DHRS4: variants seen among roughly 807,000 people sequenced by gnomAD.
DHRS4 encodes dehydrogenase/reductase SDR family member 4.
Under a neutral mutation model 28.4 loss-of-function variants are expected in DHRS4, and 20 were observed. The ratio of observed to expected loss-of-function variants is 0.71; its 90% confidence interval spans 0.50 to 1.02. The LOEUF (loss-of-function observed/expected upper bound fraction) is 1.02. Ranked by LOEUF, DHRS4 falls within the 50% of genes least tolerant of loss-of-function variation. The pLI, the probability that DHRS4 is intolerant of heterozygous loss-of-function variation, is 0.00. For missense variants in DHRS4, 378 were observed against 367.2 expected (o/e 1.03, Z -0.24); for synonymous variants, 144 against 146.4 (o/e 0.98, Z 0.12).
At chr14:23,964,391 A>G (rs2138467456) in intron 3 of DHRS4, among the ~76,000 whole-genome samples, 1 of 148,468 alleles carries the variant, frequency 6.7e-6, no homozygotes, top group African/African-American at 2.5e-5. Context: ...TAAAAAACAC[A>G]CACACACATT....
chr14:23,968,638 T>A, intron 7 of DHRS4, 119 bp from the exon 8 acceptor site: 1 of 1,527,686 alleles, frequency 6.5e-7, no homozygotes, highest in Non-Finnish European at 8.9e-7. Flanking sequence ...GCTTGTACAC[T>A]GACCCTGAAA....
At chr14:23,954,838 G>C (rs1190695808) in intron 1 of DHRS4, among the ~76,000 whole-genome samples, 197 bp from the exon 2 acceptor site, 3 of 152,208 alleles carry the variant, frequency 2.0e-5, no homozygotes, top group Non-Finnish European at 4.4e-5. Context: ...CTGTGGTCCA[G>C]GTCATAATAA....
chr14:23,954,939 A>T, intron 1 of DHRS4, 96 bp from the exon 2 acceptor site: 1 of 1,564,990 alleles, frequency 6.4e-7, no homozygotes, highest in Non-Finnish European at 8.6e-7. Context: ...AGAAAGAGCC[A>T]GAATTCAAAC....
intron 7 of DHRS4, among the ~76,000 whole-genome samples, chr14:23,968,515 G>T (rs1300734668): frequency 6.6e-6 from 1 of 150,664 alleles, no homozygotes; most frequent in Non-Finnish European, 1.5e-5. Flanking sequence ...TCTAAAAACC[G>T]GTGTGTTTCT....
chr14:23,967,234 G>A lies in DHRS4; in HGVS notation c.690G>A (p.Glu230=), dbSNP rs760977490. 1.9e-6 allele frequency: 3 copies of A among 1,613,118 alleles called. No homozygotes were observed. Among genetic ancestry groups the A allele is most frequent in the Non-Finnish European group, 2.5e-6 (3 of 1,179,638 alleles). ...AGCTCTGGATGGACAAGGAAAAAGAGGAAAGCATGAAAGAAACCCTGCGGA... is the reference window on the plus strand; with the variant it reads ...AGCTCTGGATGGACAAGGAAAAAGAAGAAAGCATGAAAGAAACCCTGCGGA... ...SRMLWMDKEK[E]ESMKETLRIR... Residue 230 remains glutamate, a synonymous_variant, in exon 7 of 8, where the codon GAG becomes GAA. Transcript: ENST00000313250.
In DHRS4 at chr14:23,953,853, C is replaced by A; in HGVS notation, c.65C>A (p.Ser22Tyr). The A allele has an allele frequency of 6.2e-7, 1 of 1,613,476 alleles. No homozygotes were observed. The highest frequency in any genetic ancestry group is 8.5e-7 in the Non-Finnish European group (1 of 1,179,702). Residue 22 changes from serine (S) to tyrosine (Y), a missense_variant, in exon 1 of 8, where the codon TCC becomes TAC. Physicochemically the swap from Ser to Tyr is moderately radical, Grantham distance 144 (BLOSUM62 -2). Transcript: ENST00000313250. The part of the protein sequence containing the change: ...RAWNSVRMAS[S>Y]GMTRRDPLAN... ...TGGAATTCGGTGCGGATGGCCAGCT[C>A]CGGGATGACCCGCCGGGACCCGCTC...
At chr14:23,955,420 C>A (rs1264489360) in intron 2 of DHRS4, among the ~76,000 whole-genome samples, 1 of 152,094 alleles carries the variant, frequency 6.6e-6, no homozygotes, top group Non-Finnish European at 1.5e-5. Context: ...TTGAGTACCC[C>A]AAAGAAACAG....
At chr14:23,961,334 G>A (rs1369279633) in intron 3 of DHRS4, among the ~76,000 whole-genome samples, 4 of 141,324 alleles carry the variant, frequency 2.8e-5, no homozygotes, top group Non-Finnish European at 6.0e-5. Flanking sequence ...GCAACACAGC[G>A]AGACCTTTTC....
intron 1 of DHRS4, 56 bp downstream of exon 1, chr14:23,953,972 C>T: frequency 1.9e-6 from 3 of 1,546,066 alleles, no homozygotes; most frequent in South Asian, 2.4e-5. Flanking sequence ...CAGGCACTGG[C>T]CTCTCATCCT....
chr14:23,954,143 A>G (rs372713283), intron 1 of DHRS4: 4 of 641,106 alleles, frequency 6.2e-6, no homozygotes, highest in South Asian at 5.9e-5. Flanking sequence ...CAACTGTGCC[A>G]CCTCTGTGCA....
Position 23,968,857 on chromosome 14 carries a change from C to G in DHRS4, c.823C>G (p.Pro275Ala). 11 of 1,607,966 alleles carry G rather than the reference C, an allele frequency of 6.8e-6. No homozygotes were observed. Among genetic ancestry groups the G allele is most frequent in the Non-Finnish European group, 9.3e-6 (11 of 1,177,340 alleles). ...GETVVVGGGTPSRL is the reference protein window; with the variant it reads ...GETVVVGGGTASRL ...AACAGTGGTGGTGGGTGGAGGAACC[C>G]CGTCCCGCCTCTGAGGACCGGGAGA... The change falls in exon 8 of 8, where the codon CCG becomes GCG. Residue 275 changes from proline (P) to alanine (A), a missense_variant. By Grantham distance (27) the Pro-to-Ala change is conservative. Coordinates refer to ENST00000313250, the MANE Select transcript of DHRS4 (RefSeq NM_021004.4).
Position 23,960,032 on chromosome 14 carries a change from G to GT in DHRS4, c.408+29_408+30insT, listed in dbSNP as rs1566472610. ...AGAGGGGATTAAAGCAGGGGGGCCG[G>GT]GGGGGGCGCCTTGGAACACATTCAG... On this transcript the variant is annotated intron_variant, in intron 3 of 7. Transcript: ENST00000313250. 3.1e-6 allele frequency: 5 copies of GT among 1,589,478 alleles called. 1 individual carries two copies. The African/African-American group carries it at 6.0e-5, about 19-fold the overall frequency.
intron 3 of DHRS4, among the ~76,000 whole-genome samples, chr14:23,961,019 G>C (rs1409355410): frequency 6.6e-6 from 1 of 151,828 alleles, no homozygotes; most frequent in Non-Finnish European, 1.5e-5. Context: ...AATAGAGTGA[G>C]AACTCACTCA....
rs1398100725 is a variant in DHRS4 at position 23,965,675 on chromosome 14, C to G, written c.409-87C>G. On this transcript the variant is annotated intron_variant, in intron 3 of 7. Coordinates refer to ENST00000313250, the MANE Select transcript of DHRS4 (RefSeq NM_021004.4). ...ATCTTCGTCAGCTCTGACAAACATC[C>G]TAGGAACCCACTCTAACTCCTCATT... 4 of 1,100,180 alleles carry G rather than the reference C, an allele frequency of 3.6e-6. No individual in the cohort carries two copies. The Admixed American group carries it at 7.2e-5, about 20-fold the overall frequency. 68.2% of individuals were successfully genotyped at this position (1,100,180 alleles called of 1,614,324 possible).
intron 3 of DHRS4, among the ~76,000 whole-genome samples, chr14:23,960,638 CT>C (rs1413566435): frequency 7.7e-6 from 1 of 129,732 alleles, no homozygotes; most frequent in African/African-American, 4.2e-5. Flanking sequence ...TTCACACACA[CT>C]CTTTAATTAC....
At chr14:23,967,010 C>T (rs1205691802) in intron 6 of DHRS4, among the ~76,000 whole-genome samples, 1 of 152,010 alleles carries the variant, frequency 6.6e-6, no homozygotes, top group Admixed American at 6.6e-5. Flanking sequence ...AAAAAATTAG[C>T]CGGGCGCAGT....
intron 2 of DHRS4, among the ~76,000 whole-genome samples, chr14:23,956,440 T>C (rs2033157760): frequency 6.6e-6 from 1 of 152,006 alleles, no homozygotes; most frequent in African/African-American, 2.4e-5. Flanking sequence ...GATGGAATAG[T>C]GATGAGGTTC....
In DHRS4 at chr14:23,964,220, TAAAAAAAAAAAAAAAA is replaced by T. The variant is rs71119059; in HGVS notation, c.409-1523_409-1508del. ...AGGGTTGCCACGAAACTGCAATTTGTAAAAAAAAAAAAAAAAAAAAAAAAAAAAAAAAAACACAATA... is the reference window on the plus strand; with the variant it reads ...AGGGTTGCCACGAAACTGCAATTTGTAAAAAAAAAAAAAAAAAACACAATA... On this transcript the variant is annotated intron_variant, in intron 3 of 7. Coordinates refer to ENST00000313250, the MANE Select transcript of DHRS4 (RefSeq NM_021004.4). 7.5e-4 allele frequency among the ~76,000 whole-genome samples: 26 copies of T among 34,502 alleles called. 1 individual carries two copies. Among genetic ancestry groups the T allele is most frequent in the Admixed American group, 1.6e-3 (4 of 2,536 alleles). The allele number at this position is 34,502 out of a possible 152,430, so 22.6% of individuals were successfully genotyped here.
At position 23,963,167 on chromosome 14, in the gene DHRS4, T is replaced by C. The variant is rs569018797; in HGVS notation, c.409-2595T>C. Among the ~76,000 whole-genome samples, 5 of 107,788 alleles carry C rather than the reference T, an allele frequency of 4.6e-5. No individual in the cohort carries two copies. The East Asian group carries it at 1.6e-3, about 35-fold the overall frequency. The allele number at this position is 107,788 out of a possible 152,430, so 70.7% of individuals were successfully genotyped here. A position where few individuals can be genotyped will look rare whatever the true frequency, so the allele number is the denominator to read the frequency against. ...CGTAAATCTGAGGGCCCTAGAATTTTCAGAATGGTAAATGAGCATTGGCTT... is the reference window on the plus strand; with the variant it reads ...CGTAAATCTGAGGGCCCTAGAATTTCCAGAATGGTAAATGAGCATTGGCTT... On this transcript the variant is annotated intron_variant, in intron 3 of 7. Coordinates refer to ENST00000313250, the MANE Select transcript of DHRS4 (RefSeq NM_021004.4).
Sources: allele counts gnomAD v4.1 joint callset (sites outside exome capture counted in the v4.1 genomes callset), GRCh38; gene constraint gnomAD v4.1.1; transcripts MANE v1.5; gene names NCBI Gene and HGNC (gene_info 2026-07-23, HGNC 2026-07-21).